GRM7: variants seen among roughly 807,000 people sequenced by gnomAD.
The protein encoded by GRM7 is glutamate metabotropic receptor 7.
GRM7 carries 35 observed loss-of-function variants against 84.5 expected under a neutral mutation model. The observed-to-expected ratio is 0.41, with a 90% CI of 0.32 to 0.55. GRM7 has a LOEUF of 0.55. Ranked by LOEUF, GRM7 falls within the 20% of genes least tolerant of loss-of-function variation. GRM7 has a pLI of 0.19. For synonymous variants in GRM7, 487 were observed against 455.1 expected, an observed-to-expected ratio of 1.07 and a Z score of -0.89; for missense variants, 1,003 against 1,194.6, an observed-to-expected ratio of 0.84 and a Z score of 2.36.
intron 1 of GRM7, among the ~76,000 whole-genome samples, chr3:6,983,792 C>G (rs1161486425): frequency 6.8e-6 from 1 of 147,808 alleles, no homozygotes; most frequent in Non-Finnish European, 1.5e-5. Flanking sequence ...CCTCAGATGA[C>G]CTTTTGTTTT....
chr3:7,518,590 T>G (rs1700478005), intron 7 of GRM7, among the ~76,000 whole-genome samples: 1 of 152,204 alleles, frequency 6.6e-6, no homozygotes, highest in Admixed American at 6.5e-5. Context: ...CCCTCTAAAC[T>G]GGCTGGGTTT....
intron 2 of GRM7, among the ~76,000 whole-genome samples, chr3:7,216,440 C>T (rs1014289349): frequency 1.3e-5 from 2 of 152,062 alleles, no homozygotes; most frequent in African/African-American, 4.8e-5. Context: ...ATTCTCATTT[C>T]CTCAAAATAA....
At chr3:7,119,597 C>G (rs1415025217) in intron 1 of GRM7, among the ~76,000 whole-genome samples, 1 of 152,146 alleles carries the variant, frequency 6.6e-6, no homozygotes, top group Non-Finnish European at 1.5e-5. Context: ...TTCAATGAAT[C>G]ATTTGAAATG....
intron 1 of GRM7, among the ~76,000 whole-genome samples, chr3:6,995,487 A>G (rs146147678): frequency 8.5e-5 from 13 of 152,356 alleles, no homozygotes; most frequent in Admixed American, 7.2e-4. Flanking sequence ...CCTAGACTAT[A>G]CTGCCTAACT....
At chr3:7,440,810 G>A (rs1697256495) in intron 5 of GRM7, among the ~76,000 whole-genome samples, 1 of 152,094 alleles carries the variant, frequency 6.6e-6, no homozygotes, top group Non-Finnish European at 1.5e-5. Flanking sequence ...CCTTGTTGCT[G>A]CAAAAGATAT....
chr3:7,641,871 T>C (rs1698380037), intron 8 of GRM7, among the ~76,000 whole-genome samples: 1 of 152,130 alleles, frequency 6.6e-6, no homozygotes, highest in African/African-American at 2.4e-5. Flanking sequence ...TACATTGTCG[T>C]TTTGTTTTGT....
At chr3:7,105,655 A>G (rs946002306) in intron 1 of GRM7, among the ~76,000 whole-genome samples, 1 of 151,914 alleles carries the variant, frequency 6.6e-6, no homozygotes. Flanking sequence ...TGTTTTTGTT[A>G]GTTACCATAT....
chr3:6,993,630 C>T (rs1391892506), intron 1 of GRM7, among the ~76,000 whole-genome samples: 2 of 152,118 alleles, frequency 1.3e-5, no homozygotes, highest in African/African-American at 4.8e-5. Flanking sequence ...TCAGAAAAGA[C>T]AGCCTGGAGG....
intron 1 of GRM7, among the ~76,000 whole-genome samples, chr3:6,968,216 C>G (rs1693603524): frequency 1.3e-5 from 2 of 152,144 alleles, no homozygotes; most frequent in South Asian, 4.1e-4. Flanking sequence ...TCGGATTCCT[C>G]GGCTGTTAGA....
intron 4 of GRM7, among the ~76,000 whole-genome samples, chr3:7,308,925 T>C (rs1700293529): frequency 6.6e-6 from 1 of 152,144 alleles, no homozygotes; most frequent in South Asian, 2.1e-4. Context: ...TATAGAAATA[T>C]ACAAATTTAC....
At chr3:7,344,911 C>T (rs747724091) in intron 4 of GRM7, among the ~76,000 whole-genome samples, 7 of 152,138 alleles carry the variant, frequency 4.6e-5, no homozygotes, top group East Asian at 3.9e-4. Flanking sequence ...AAAAACTGGA[C>T]GAGAGGATTT....
chr3:7,196,907 C>A (rs58194251), intron 2 of GRM7, among the ~76,000 whole-genome samples: 7,921 of 152,154 alleles, frequency 0.052, 596 homozygotes, highest in African/African-American at 0.17. Context: ...ATACTGAATA[C>A]ATAAACAAAT....
rs375941107 is a variant in GRM7, at chr3:6,981,845, A to G, written c.519+119938A>G. 8.5e-5 allele frequency among the ~76,000 whole-genome samples: 13 copies of G among 152,240 alleles called. No homozygotes were observed. The East Asian group carries it at 2.5e-3, about 29-fold the overall frequency. ...AAAAAAATAAAAACACTTATACACT[A>G]CTGGTGGGAATGTAAATTAGTTCAG... is the stretch of plus-strand genomic sequence containing the variant. On this transcript the variant is annotated intron_variant, in intron 1 of 9. Coordinates refer to ENST00000357716, the MANE Select transcript of GRM7 (RefSeq NM_000844.4).
At chr3:7,408,429 T>C (rs1695774454) in intron 4 of GRM7, among the ~76,000 whole-genome samples, 1 of 152,226 alleles carries the variant, frequency 6.6e-6, no homozygotes, top group Non-Finnish European at 1.5e-5. Context: ...ATAATTCTTA[T>C]TTGTTTTCTC....
intron 8 of GRM7, among the ~76,000 whole-genome samples, chr3:7,637,297 C>A (rs993183509): frequency 6.6e-6 from 1 of 152,142 alleles, no homozygotes; most frequent in East Asian, 1.9e-4. Context: ...ACATGAGCCA[C>A]CATGCTCACT....
At chr3:7,020,329 T>C (rs965611278) in intron 1 of GRM7, among the ~76,000 whole-genome samples, 1 of 152,188 alleles carries the variant, frequency 6.6e-6, no homozygotes, top group Non-Finnish European at 1.5e-5. Context: ...AGTAAAAAGA[T>C]CAAGGATTGT....
chr3:7,322,473 G>T (rs1700820368), intron 4 of GRM7, among the ~76,000 whole-genome samples: 1 of 151,752 alleles, frequency 6.6e-6, no homozygotes, highest in South Asian at 2.1e-4. Context: ...TTCTTTAGTG[G>T]TGATTTCTGA....
At chr3:7,614,679 TGTTA>T (rs1391092763) in intron 8 of GRM7, among the ~76,000 whole-genome samples, 1 of 152,216 alleles carries the variant, frequency 6.6e-6, no homozygotes, top group Non-Finnish European at 1.5e-5. Context: ...CACATTAACC[TGTTA>T]GACAATTTTT....
At chr3:7,405,000 G>T (rs765411966) in intron 4 of GRM7, among the ~76,000 whole-genome samples, 1 of 152,078 alleles carries the variant, frequency 6.6e-6, no homozygotes, top group Non-Finnish European at 1.5e-5. Context: ...TTCCAAGAGA[G>T]CATATTGAAC....
Sources: gnomAD v4.1 joint callset for allele counts (sites outside exome capture counted in the v4.1 genomes callset) on GRCh38, gnomAD v4.1.1 for gene constraint, MANE v1.5 for transcripts, NCBI Gene and HGNC (gene_info 2026-07-23, HGNC 2026-07-21) for gene names.